The following AGBL1 variants were observed in gnomAD, a reference collection of about 807,000 sequenced individuals.
AGBL1 encodes the protein cytosolic carboxypeptidase 4.
In AGBL1, 130 loss-of-function variants were observed where a neutral mutation model predicts 118.9. That is an observed-to-expected ratio of 1.09 (90% confidence interval 0.95 to 1.26). The LOEUF is 1.26. AGBL1 is among the 50% of genes most tolerant of loss of function. AGBL1 has a pLI of 0.00. For missense variants in AGBL1, 1,584 were observed against 1,298.1 expected, an observed-to-expected ratio of 1.22 and a Z score of -3.38; for synonymous variants, 555 against 478.9, an observed-to-expected ratio of 1.16 and a Z score of -2.08.
chr15:86,379,972 T>C (rs746538304), intron 17 of AGBL1, among the ~76,000 whole-genome samples: 7 of 152,234 alleles, frequency 4.6e-5, no homozygotes, highest in Non-Finnish European at 1.0e-4. Context: ...ATGACTTGAT[T>C]TGTAAAATAT....
At chr15:86,430,270 G>A (rs2081919080) in intron 18 of AGBL1, among the ~76,000 whole-genome samples, 1 of 152,076 alleles carries the variant, frequency 6.6e-6, no homozygotes, top group Admixed American at 6.6e-5. Flanking sequence ...GCTGAGGTGG[G>A]TGGATCACGA....
intron 22 of AGBL1, among the ~76,000 whole-genome samples, chr15:86,894,976 A>G (rs753851405): frequency 1.3e-5 from 2 of 151,182 alleles, no homozygotes; most frequent in Non-Finnish European, 2.9e-5. Context: ...GTGGCAGGAC[A>G]CAGTGACTCT....
intron 5 of AGBL1, among the ~76,000 whole-genome samples, chr15:86,206,465 C>T (rs1015220516): frequency 6.6e-6 from 1 of 152,106 alleles, no homozygotes; most frequent in Non-Finnish European, 1.5e-5. Context: ...CCACATCCTC[C>T]CCAGCATCTG....
intron 18 of AGBL1, among the ~76,000 whole-genome samples, chr15:86,414,587 G>A (rs796837830): frequency 2.0e-5 from 3 of 152,088 alleles, no homozygotes; most frequent in African/African-American, 7.2e-5. Context: ...AACAATTTTG[G>A]GTAAACAAAT....
intron 17 of AGBL1, among the ~76,000 whole-genome samples, chr15:86,301,523 C>T: frequency 6.6e-6 from 1 of 151,778 alleles, no homozygotes; most frequent in Non-Finnish European, 1.5e-5. Flanking sequence ...AGAAACTGAA[C>T]TGTGCCCTTT....
chr15:86,899,731 A>C (rs1458660988), intron 22 of AGBL1, among the ~76,000 whole-genome samples: 1 of 152,164 alleles, frequency 6.6e-6, no homozygotes, highest in African/African-American at 2.4e-5. Context: ...ACCTCCCTTC[A>C]GTCCTAGCCA....
chr15:86,237,033 A>G (rs1041403897), intron 6 of AGBL1, among the ~76,000 whole-genome samples: 2 of 147,300 alleles, frequency 1.4e-5, no homozygotes, highest in South Asian at 4.4e-4. Context: ...TGGTGGACTC[A>G]GTTTTTAATG....
chr15:86,910,056 A>G lies in AGBL1; in HGVS notation c.*2762A>G, dbSNP rs1296881011. On this transcript the variant is annotated 3_prime_UTR_variant, in exon 23 of 23. Transcript: ENST00000614907. ...CAGTAACCAGACAAAGAAGAACAAT[A>G]AACATTCTAAGTTAATGCAGTATGG... The G allele has an allele frequency of 6.6e-6, 1 of 152,266 alleles. No individual in the cohort carries two copies. Among genetic ancestry groups the G allele is most frequent in the Non-Finnish European group, 1.5e-5 (1 of 68,050 alleles). 9.4% of individuals were successfully genotyped at this position (152,266 alleles called of 1,614,324 possible).
chr15:86,915,043 G>A lies in AGBL1; in HGVS notation c.*7749G>A, dbSNP rs1053106555. On this transcript the variant is annotated 3_prime_UTR_variant, in exon 23 of 23. Coordinates refer to ENST00000614907, the MANE Select transcript of AGBL1 (RefSeq NM_001386094.1). Reference sequence around the variant, plus strand: ...GATTTATTTGTGTGCCAGATGCAGAGCTCACTGTCTGGCCGAGGCAGGTAC... The same window carrying A: ...GATTTATTTGTGTGCCAGATGCAGAACTCACTGTCTGGCCGAGGCAGGTAC... 6.6e-6 allele frequency: 1 copy of A among 152,180 alleles called. No individual in the cohort carries two copies. The highest frequency in any genetic ancestry group is 6.5e-5 in the Admixed American group (1 of 15,280). The allele number at this position is 152,180 out of a possible 1,614,324, so 9.4% of individuals were successfully genotyped here.
intron 23 of AGBL1, among the ~76,000 whole-genome samples, chr15:86,948,386 G>T (rs1450324853): frequency 6.6e-6 from 1 of 152,020 alleles, no homozygotes; most frequent in Admixed American, 6.6e-5. Flanking sequence ...AAATAAAAAC[G>T]TAGACACATA....
chr15:86,287,263 T>G (rs1329582578), intron 16 of AGBL1, among the ~76,000 whole-genome samples: 1 of 152,116 alleles, frequency 6.6e-6, no homozygotes, highest in African/African-American at 2.4e-5. Flanking sequence ...GCCCCTTATC[T>G]GATGTATGAT....
At chr15:86,532,213 A>G (rs1397647451) in intron 19 of AGBL1, among the ~76,000 whole-genome samples, 1 of 149,874 alleles carries the variant, frequency 6.7e-6, no homozygotes, top group African/African-American at 2.5e-5. Context: ...AGAAAACCCC[A>G]TCATCTCAGC....
At chr15:86,128,933 C>A (rs1597432020) in intron 1 of AGBL1, among the ~76,000 whole-genome samples, 1 of 152,118 alleles carries the variant, frequency 6.6e-6, no homozygotes, top group Non-Finnish European at 1.5e-5. Context: ...GAAGTGGCTA[C>A]CTAATAAATA....
intron 21 of AGBL1, among the ~76,000 whole-genome samples, chr15:86,563,402 C>A (rs2083860167): frequency 6.6e-6 from 1 of 152,130 alleles, no homozygotes; most frequent in African/African-American, 2.4e-5. Flanking sequence ...TCGTTATGTA[C>A]CCAGTAGTCA....
chr15:86,897,617 T>C (rs1426480210), intron 22 of AGBL1, among the ~76,000 whole-genome samples: 1 of 152,026 alleles, frequency 6.6e-6, no homozygotes, highest in African/African-American at 2.4e-5. Context: ...TATGTAAACT[T>C]CACAACTCTG....
At chr15:86,521,849 T>G (rs2083193433) in intron 18 of AGBL1, among the ~76,000 whole-genome samples, 1 of 152,106 alleles carries the variant, frequency 6.6e-6, no homozygotes, top group Non-Finnish European at 1.5e-5. Flanking sequence ...TGGTGGAGGA[T>G]TTGGGAGGAG....
intron 7 of AGBL1, among the ~76,000 whole-genome samples, chr15:86,249,686 C>T (rs2078778820): frequency 6.6e-6 from 1 of 152,188 alleles, no homozygotes; most frequent in Admixed American, 6.5e-5. Flanking sequence ...TGGTCCAGTG[C>T]TTTACCGTGT....
chr15:86,507,416 T>A (rs1167537124), intron 18 of AGBL1, among the ~76,000 whole-genome samples: 2 of 152,164 alleles, frequency 1.3e-5, no homozygotes, highest in African/African-American at 2.4e-5. Context: ...AGGTGATTTC[T>A]ATGTGTCACG....
intron 18 of AGBL1, among the ~76,000 whole-genome samples, chr15:86,479,918 A>T (rs2082626386): frequency 6.6e-6 from 1 of 152,240 alleles, no homozygotes; most frequent in South Asian, 2.1e-4. Context: ...AAAAAGGATG[A>T]ATTCATATCC....
Sources: allele counts gnomAD v4.1 joint callset (sites outside exome capture counted in the v4.1 genomes callset), GRCh38; gene constraint gnomAD v4.1.1; transcripts MANE v1.5; gene names NCBI Gene and HGNC (gene_info 2026-07-23, HGNC 2026-07-21).